ABHD17C: variants seen among roughly 807,000 people sequenced by gnomAD.
ABHD17C encodes the protein alpha/beta hydrolase domain-containing protein 17C.
In ABHD17C, 11 loss-of-function variants were observed where a neutral mutation model predicts 27.9. The observed-to-expected ratio is 0.39, with a 90% CI of 0.25 to 0.65. The LOEUF (loss-of-function observed/expected upper bound fraction) is 0.65. Ranked by LOEUF, ABHD17C falls within the 30% of genes least tolerant of loss-of-function variation. ABHD17C has a pLI of 0.45. For missense variants in ABHD17C, 280 were observed against 470.2 expected, an observed-to-expected ratio of 0.60 and a Z score of 3.74; for synonymous variants, 233 against 209.1, an observed-to-expected ratio of 1.11 and a Z score of -0.98.
At chr15:80,751,004 T>TCGG (rs1262696063) in intron 2 of ABHD17C, among the ~76,000 whole-genome samples, 1 of 151,934 alleles carries the variant, frequency 6.6e-6, no homozygotes, top group African/African-American at 2.4e-5. Flanking sequence ...ATGGCAGGTA[T>TCGG]CGGGCTATGC....
chr15:80,728,325 A>G (rs1264350017), intron 1 of ABHD17C, among the ~76,000 whole-genome samples: 3 of 152,154 alleles, frequency 2.0e-5, no homozygotes, highest in Non-Finnish European at 2.9e-5. Context: ...CCTGATGTAC[A>G]GGGGCCTTCT....
intron 1 of ABHD17C, among the ~76,000 whole-genome samples, chr15:80,735,657 C>T (rs1049757561): frequency 6.6e-6 from 1 of 152,140 alleles, no homozygotes; most frequent in Non-Finnish European, 1.5e-5. Flanking sequence ...GCTGCTATTG[C>T]CTTTCTTCAT....
Position 80,695,887 on chromosome 15 carries a change from T to C in ABHD17C, c.458T>C (p.Ile153Thr), listed in dbSNP as rs538251048. ...VDLGQMCSFY[I>T]GLGSRINCNI... Reference sequence around the variant, plus strand: ...CTGGGCCAGATGTGCAGCTTCTACATTGGCCTCGGCTCCCGCATCAACTGC... The same window carrying C: ...CTGGGCCAGATGTGCAGCTTCTACACTGGCCTCGGCTCCCGCATCAACTGC... Residue 153 changes from isoleucine (I) to threonine (T), a missense_variant, in exon 1 of 3, where the codon ATT becomes ACT. This residue lies in a region of ABHD17C where 206 missense variants were observed against 394.7 expected (regional missense o/e 0.52). Coordinates refer to ENST00000258884, the MANE Select transcript of ABHD17C (RefSeq NM_021214.2). This position sits in a 1 kb window ranked among gnomAD's most constrained non-coding sequence, Gnocchi z 4.3. 1 of 1,597,390 alleles carries C rather than the reference T, an allele frequency of 6.3e-7. No individual in the cohort carries two copies. Among genetic ancestry groups the C allele is most frequent in the South Asian group, 1.1e-5 (1 of 90,828 alleles).
intron 1 of ABHD17C, among the ~76,000 whole-genome samples, chr15:80,708,245 G>A (rs1179474050): frequency 3.3e-5 from 5 of 151,934 alleles, no homozygotes; most frequent in East Asian, 1.9e-4. Context: ...AGCTTGTCCC[G>A]GAATTACTAC....
chr15:80,746,100 A>C (rs2141521415), intron 1 of ABHD17C, among the ~76,000 whole-genome samples: 1 of 152,332 alleles, frequency 6.6e-6, no homozygotes, highest in South Asian at 2.1e-4. Flanking sequence ...GCCAACACTT[A>C]ATATTGTTAG....
chr15:80,702,366 A>G (rs1440591251), intron 1 of ABHD17C, among the ~76,000 whole-genome samples: 2 of 152,116 alleles, frequency 1.3e-5, no homozygotes, highest in Non-Finnish European at 2.9e-5. Context: ...ATGGTGGCTC[A>G]TGCCTGTAGT....
At chr15:80,735,542 C>CT (rs1314650851) in intron 1 of ABHD17C, among the ~76,000 whole-genome samples, 1 of 152,192 alleles carries the variant, frequency 6.6e-6, no homozygotes, top group African/African-American at 2.4e-5. Context: ...TTTCCACACT[C>CT]TGTTTCCTCC....
chr15:80,740,596 G>T (rs1895196240), intron 1 of ABHD17C, among the ~76,000 whole-genome samples: 1 of 152,120 alleles, frequency 6.6e-6, no homozygotes, highest in East Asian at 1.9e-4. Context: ...ATACGGATCA[G>T]AATTCTGGCC....
intron 1 of ABHD17C, among the ~76,000 whole-genome samples, chr15:80,721,727 C>T (rs1353335396): frequency 6.6e-6 from 1 of 152,116 alleles, no homozygotes; most frequent in Non-Finnish European, 1.5e-5. Context: ...CTCTGTGCAG[C>T]GTAAGGTGGT....
At chr15:80,726,804 C>T (rs910582972) in intron 1 of ABHD17C, among the ~76,000 whole-genome samples, 2 of 152,292 alleles carry the variant, frequency 1.3e-5, no homozygotes, top group East Asian at 1.9e-4. Flanking sequence ...GGATTACAGG[C>T]GTGAGCCGCC....
intron 1 of ABHD17C, among the ~76,000 whole-genome samples, chr15:80,742,684 G>A (rs1008039215): frequency 6.6e-6 from 1 of 152,116 alleles, no homozygotes; most frequent in East Asian, 1.9e-4. Context: ...TGAAGTCCTG[G>A]GGTTAAATGA....
chr15:80,696,965 ATGATGAGATT>A (rs1251571631), intron 1 of ABHD17C, among the ~76,000 whole-genome samples: 1 of 152,238 alleles, frequency 6.6e-6, no homozygotes, highest in Non-Finnish European at 1.5e-5. Flanking sequence ...GGCCATGTCT[ATGATGAGATT>A]TGATTTCTTC....
rs146013433 is a variant in ABHD17C, at chr15:80,740,073, C to T, written c.591-9440C>T. On this transcript the variant is annotated intron_variant, in intron 1 of 2. Transcript: ENST00000258884. ...CTTGCCCTACCCTTTCCACACATGC[C>T]GACTTCCTGATTCTATTGCTTAACT... Among the ~76,000 whole-genome samples the T allele has an allele frequency of 7.6e-4, 115 of 152,204 alleles. 1 individual carries two copies. The highest frequency in any genetic ancestry group is 2.3e-3 in the African/African-American group (95 of 41,516).
At chr15:80,698,000 T>C (rs1396785410) in intron 1 of ABHD17C, among the ~76,000 whole-genome samples, 2 of 152,046 alleles carry the variant, frequency 1.3e-5, no homozygotes, top group African/African-American at 4.8e-5. Flanking sequence ...AAGCCAATGC[T>C]TCACAAAACA....
intron 1 of ABHD17C, among the ~76,000 whole-genome samples, chr15:80,749,099 G>A (rs780058145): frequency 2.6e-5 from 4 of 152,050 alleles, no homozygotes; most frequent in Non-Finnish European, 4.4e-5. Flanking sequence ...TTTGCTTCGA[G>A]TTTTTAATAT....
At chr15:80,732,818 C>A (rs1036887271) in intron 1 of ABHD17C, among the ~76,000 whole-genome samples, 2 of 152,140 alleles carry the variant, frequency 1.3e-5, no homozygotes, top group African/African-American at 4.8e-5. Context: ...CAAGAGTGGG[C>A]AGTGCTGAGC....
chr15:80,723,023 T>C (rs1235107901), intron 1 of ABHD17C, among the ~76,000 whole-genome samples: 1 of 152,164 alleles, frequency 6.6e-6, no homozygotes, highest in Admixed American at 6.5e-5. Context: ...GTTCACATCC[T>C]TAGGTTCTGC....
intron 2 of ABHD17C, among the ~76,000 whole-genome samples, chr15:80,751,351 T>A (rs1895363495): frequency 6.6e-6 from 1 of 152,008 alleles, no homozygotes; most frequent in African/African-American, 2.4e-5. Flanking sequence ...CAGAGCAAGA[T>A]TCTGTCTCCA....
At chr15:80,701,573 A>G (rs1894572469) in intron 1 of ABHD17C, among the ~76,000 whole-genome samples, 1 of 151,740 alleles carries the variant, frequency 6.6e-6, no homozygotes, top group Non-Finnish European at 1.5e-5. Context: ...CACCTACTCA[A>G]GAGGCCGAGG....
Sources: allele counts gnomAD v4.1 joint callset (sites outside exome capture counted in the v4.1 genomes callset), GRCh38; gene constraint gnomAD v4.1.1; regional missense constraint gnomAD v4.1.1; non-coding constraint Gnocchi (gnomAD v3.1); transcripts MANE v1.5; gene names NCBI Gene and HGNC (gene_info 2026-07-23, HGNC 2026-07-21).